DMD: variants seen among roughly 807,000 people sequenced by gnomAD.
DMD encodes the protein dystrophin.
In DMD, 63 loss-of-function variants were observed where a neutral mutation model predicts 330.1. The observed-to-expected ratio is 0.19, with a 90% CI of 0.16 to 0.24. The LOEUF is 0.24. Ranked by LOEUF, DMD falls within the 10% of genes least tolerant of loss-of-function variation. The pLI is 1.00. For missense variants in DMD, 3,344 were observed against 2,684.1 expected (o/e 1.25, Z -5.43); for synonymous variants, 1,223 against 959.8 (o/e 1.27, Z -5.07).
intron 30 of DMD, among the ~76,000 whole-genome samples, chrX:32,405,039 A>G (rs951472543): frequency 5.4e-5 from 6 of 111,998 alleles, no homozygotes; most frequent in Non-Finnish European, 9.4e-5. Flanking sequence ...ACGTTGACAC[A>G]GTCATAGAAG....
At chrX:32,408,511 C>T (rs973615387) in intron 30 of DMD, among the ~76,000 whole-genome samples, 9 of 111,504 alleles carry the variant, frequency 8.1e-5, no homozygotes, top group African/African-American at 2.6e-4. Flanking sequence ...GGATCTCAAA[C>T]GATCTTAAAA....
intron 1 of DMD, among the ~76,000 whole-genome samples, chrX:33,133,201 A>T (rs751449580): frequency 3.6e-5 from 4 of 111,402 alleles, no homozygotes; most frequent in Non-Finnish European, 7.5e-5. Flanking sequence ...TCCTGCTGAG[A>T]GTTGGAGCTA....
At chrX:32,729,164 T>A (rs2067236661) in intron 7 of DMD, among the ~76,000 whole-genome samples, 1 of 112,064 alleles carries the variant, frequency 8.9e-6, no homozygotes, top group Non-Finnish European at 1.9e-5. Context: ...CACGATCATT[T>A]TTAAGGGAAA....
chrX:33,197,887 C>G (rs371963257), intron 1 of DMD, among the ~76,000 whole-genome samples: 2 of 111,018 alleles, frequency 1.8e-5, no homozygotes, highest in South Asian at 7.7e-4. Flanking sequence ...GCATTCATGT[C>G]AAGGTTTTTG....
At chrX:33,113,529 T>C (rs2095357185) in intron 1 of DMD, among the ~76,000 whole-genome samples, 1 of 111,655 alleles carries the variant, frequency 9.0e-6, no homozygotes, top group Admixed American at 9.6e-5. Context: ...CTGGCTCTAG[T>C]ATATAGGAAA....
chrX:32,024,970 C>T (rs2253300), intron 44 of DMD, among the ~76,000 whole-genome samples: 28,890 of 110,529 alleles, frequency 0.26, 3,795 homozygotes, highest in African/African-American at 0.52. Flanking sequence ...TCAATAAATG[C>T]AACAGGGGAT....
chrX:32,084,712 ACT>A (rs958138289), intron 44 of DMD, among the ~76,000 whole-genome samples: 5 of 111,203 alleles, frequency 4.5e-5, no homozygotes, highest in Non-Finnish European at 9.4e-5. Flanking sequence ...TACACTGCCG[ACT>A]CTAACTTAAG....
chrX:31,274,045 C>T (rs2051888957), intron 62 of DMD, among the ~76,000 whole-genome samples: 1 of 112,116 alleles, frequency 8.9e-6, no homozygotes, highest in African/African-American at 3.2e-5. Flanking sequence ...GTTAGGTATA[C>T]AGAACCAAAT....
chrX:31,870,073 A>G (rs1301924394), intron 48 of DMD, among the ~76,000 whole-genome samples: 1 of 111,778 alleles, frequency 8.9e-6, no homozygotes, highest in Non-Finnish European at 1.9e-5. Flanking sequence ...AATGAACTAG[A>G]TGAACTGGCG....
intron 45 of DMD, among the ~76,000 whole-genome samples, chrX:31,958,096 GTTT>G (rs745655022): frequency 3.6e-4 from 27 of 74,560 alleles, no homozygotes; most frequent in African/African-American, 1.2e-3. Flanking sequence ...CATTTGGCCT[GTTT>G]TTTTTTTTTT....
intron 9 of DMD, among the ~76,000 whole-genome samples, chrX:32,677,247 G>C (rs1438205113): frequency 9.0e-6 from 1 of 110,878 alleles, no homozygotes. Context: ...TACATTTTCA[G>C]TTATTTAATG....
At chrX:32,325,567 T>C (rs1034522842) in intron 41 of DMD, among the ~76,000 whole-genome samples, 3 of 111,708 alleles carry the variant, frequency 2.7e-5, no homozygotes, top group Non-Finnish European at 5.6e-5. Flanking sequence ...TGAAAGCATT[T>C]TGAAACAATT....
chrX:32,853,741 T>A (rs1313492504), intron 2 of DMD, among the ~76,000 whole-genome samples: 6 of 35,058 alleles, frequency 1.7e-4, no homozygotes, highest in African/African-American at 3.6e-4. Context: ...ATAAATGAAA[T>A]AAACTCTCCA....
At position 33,243,078 on chromosome X, in the gene DMD, T is replaced by C. The variant is rs764104229; in HGVS notation, c.7+96181A>G. Among the ~76,000 whole-genome samples, 4 of 112,103 alleles carry C rather than the reference T, an allele frequency of 3.6e-5. No homozygotes were observed. The East Asian group carries it at 8.5e-4, about 24-fold the overall frequency. Reference sequence around the variant, plus strand: ...TTTGTTTACTCTGCTGACTGTTCCTTTTGCCCTGCAAAAGCTCTTTAGTTT... The same window carrying C: ...TTTGTTTACTCTGCTGACTGTTCCTCTTGCCCTGCAAAAGCTCTTTAGTTT... On this transcript the variant is annotated intron_variant, in intron 1 of 17. Coordinates refer to the DMD transcript ENST00000288447.
intron 55 of DMD, among the ~76,000 whole-genome samples, chrX:31,568,179 G>T (rs1316567849): frequency 9.0e-5 from 10 of 111,107 alleles, no homozygotes; most frequent in Admixed American, 7.7e-4. Context: ...AAGTTGCTTG[G>T]AGTCCAGAAT....
At chrX:33,263,903 T>C (rs2053000548) in intron 1 of DMD, among the ~76,000 whole-genome samples, 2 of 111,191 alleles carry the variant, frequency 1.8e-5, no homozygotes, top group African/African-American at 3.3e-5. Context: ...AATTCTCATT[T>C]GTTCAACAAA....
chrX:32,085,594 A>ACG (rs2147940183), intron 44 of DMD, among the ~76,000 whole-genome samples: 1 of 101,169 alleles, frequency 9.9e-6, no homozygotes, highest in South Asian at 4.3e-4. Context: ...ACACACATAT[A>ACG]TGTATATATG....
At chrX:31,175,065 T>G (rs2148244794) in intron 71 of DMD, among the ~76,000 whole-genome samples, 1 of 112,261 alleles carries the variant, frequency 8.9e-6, no homozygotes, top group African/African-American at 3.2e-5. Flanking sequence ...AACCCTGGCA[T>G]AGCCCATTAT....
intron 2 of DMD, among the ~76,000 whole-genome samples, chrX:32,970,523 C>T (rs2092339937): frequency 2.2e-5 from 2 of 92,663 alleles, no homozygotes; most frequent in Middle Eastern, 5.7e-3. Flanking sequence ...AATCCTAGCT[C>T]CCCAGGAGGC....
Sources: allele counts gnomAD v4.1 joint callset (sites outside exome capture counted in the v4.1 genomes callset), GRCh38; gene constraint gnomAD v4.1.1; transcripts MANE v1.5; gene names NCBI Gene and HGNC (gene_info 2026-07-23, HGNC 2026-07-21).